Variants in ABTB2 observed in about 807,000 individuals in gnomAD.
ABTB2 encodes ankyrin repeat and BTB/POZ domain-containing protein 2.
In ABTB2, 56 loss-of-function variants were observed where a neutral mutation model predicts 104.1. That is an observed-to-expected ratio of 0.54 (90% CI 0.43 to 0.67). ABTB2 has a LOEUF of 0.67. ABTB2 is among the 30% of genes least tolerant of loss of function. ABTB2 has a pLI of 0.00. For synonymous variants in ABTB2, 606 were observed against 608.2 expected, an observed-to-expected ratio of 1.00 and a Z score of 0.05; for missense variants, 1,279 against 1,407.7, an observed-to-expected ratio of 0.91 and a Z score of 1.46.
At chr11:34,179,799 G>A (rs1029927732) in intron 3 of ABTB2, among the ~76,000 whole-genome samples, 2 of 152,146 alleles carry the variant, frequency 1.3e-5, no homozygotes, top group East Asian at 1.9e-4. Context: ...CCAAGAGCAC[G>A]GACTCCTGAG....
intron 1 of ABTB2, among the ~76,000 whole-genome samples, chr11:34,355,805 G>A (rs958560911): frequency 1.3e-5 from 2 of 152,152 alleles, no homozygotes; most frequent in African/African-American, 4.8e-5. Flanking sequence ...CCCTAACATT[G>A]TCAGGGAAAA....
intron 3 of ABTB2, among the ~76,000 whole-genome samples, chr11:34,193,812 G>A (rs1565137178): frequency 6.6e-6 from 1 of 152,240 alleles, no homozygotes; most frequent in Non-Finnish European, 1.5e-5. Flanking sequence ...CAGGCTCACT[G>A]CAGGAGTAGA....
chr11:34,229,121 GAAAAA>G (rs370579783), intron 1 of ABTB2, among the ~76,000 whole-genome samples: 1 of 103,778 alleles, frequency 9.6e-6, no homozygotes, highest in South Asian at 3.4e-4. Context: ...CTCCGTCTTG[GAAAAA>G]AAAAAAAAAG....
intron 4 of ABTB2, among the ~76,000 whole-genome samples, chr11:34,172,388 A>AT (rs1565131558): frequency 3.8e-5 from 3 of 78,092 alleles, no homozygotes; most frequent in Non-Finnish European, 5.4e-5. Flanking sequence ...AAAAAAAAAA[A>AT]AAAAAAAATA....
intron 13 of ABTB2, 103 bp downstream of exon 13, chr11:34,159,803 G>A (rs1852682270): frequency 4.4e-6 from 4 of 901,178 alleles, no homozygotes; most frequent in South Asian, 1.5e-5. Context: ...AGGGGCAGAG[G>A]CTGCAGGGTA....
chr11:34,335,256 G>C (rs149787252), intron 1 of ABTB2: 2 of 1,298,356 alleles, frequency 1.5e-6, no homozygotes, highest in African/African-American at 2.8e-5. Flanking sequence ...CCTAAATGTC[G>C]GTAGCATTCA....
intron 14 of ABTB2, among the ~76,000 whole-genome samples, chr11:34,158,257 C>CA (rs1344486432): frequency 9.2e-5 from 14 of 152,040 alleles, no homozygotes; most frequent in African/African-American, 3.4e-4. Flanking sequence ...ATTAAAAATA[C>CA]AAAAAATTAG....
chr11:34,321,822 G>C (rs1855007801), intron 1 of ABTB2, among the ~76,000 whole-genome samples: 1 of 152,200 alleles, frequency 6.6e-6, no homozygotes, highest in African/African-American at 2.4e-5. Context: ...GCTCCACCTA[G>C]CATCCTTCCC....
At chr11:34,167,236 G>T (rs1212358046) in intron 7 of ABTB2, 23 bp downstream of exon 7, 3 of 1,587,084 alleles carry the variant, frequency 1.9e-6, no homozygotes, top group Admixed American at 3.5e-5. Flanking sequence ...GGGGGGCATG[G>T]TGTTCACCTG....
At position 34,154,439 on chromosome 11, in the gene ABTB2, C is replaced by T; in HGVS notation, c.2767-61G>A. ...GGCCAGACCAGTGGCCCAGACAGCA[C>T]CGAACAGAAAGCTCCCGAGTGCCGT... On this transcript the variant is annotated intron_variant, in intron 15 of 16. Transcript: ENST00000435224. This position sits in a 1 kb window ranked among gnomAD's most constrained non-coding sequence, Gnocchi z 4.9. The T allele has an allele frequency of 3.1e-6, 4 of 1,274,440 alleles. No homozygotes were observed. The highest frequency in any genetic ancestry group is 4.5e-6 in the Non-Finnish European group (4 of 895,470). The allele number at this position is 1,274,440 out of a possible 1,614,324, so 78.9% of individuals were successfully genotyped here. A position where few individuals can be genotyped will look rare whatever the true frequency, so the allele number is the denominator to read the frequency against.
chr11:34,292,941 T>G (rs1430208762), intron 1 of ABTB2, among the ~76,000 whole-genome samples: 2 of 152,170 alleles, frequency 1.3e-5, no homozygotes, highest in Non-Finnish European at 2.9e-5. Flanking sequence ...TTATTCTAAG[T>G]TTAACAAACC....
chr11:34,265,954 A>C (rs1419466122), intron 1 of ABTB2, among the ~76,000 whole-genome samples: 1 of 152,178 alleles, frequency 6.6e-6, no homozygotes, highest in Non-Finnish European at 1.5e-5. Flanking sequence ...GGGAGAAAAG[A>C]GCAAAACTCC....
intron 1 of ABTB2, among the ~76,000 whole-genome samples, chr11:34,333,229 G>A (rs1855153495): frequency 6.6e-6 from 1 of 152,112 alleles, no homozygotes; most frequent in South Asian, 2.1e-4. Flanking sequence ...ATAGTTATGT[G>A]GGGTAGACAC....
intron 3 of ABTB2, among the ~76,000 whole-genome samples, chr11:34,196,112 G>A (rs547487013): frequency 9.2e-5 from 14 of 152,310 alleles, no homozygotes; most frequent in African/African-American, 3.4e-4. Flanking sequence ...TGAGCCCATG[G>A]ACAGACCTTA....
Position 34,254,295 on chromosome 11 carries a change from T to C in ABTB2, c.884-49605A>G, listed in dbSNP as rs1205550360. On this transcript the variant is annotated intron_variant, in intron 1 of 16. Coordinates refer to ENST00000435224, the MANE Select transcript of ABTB2 (RefSeq NM_145804.3). Reference sequence around the variant, plus strand: ...CAGACTTTCACTTTATCACTCAGGCTGGAGTGCAGTGGCATGATCACAGCT... The same window carrying C: ...CAGACTTTCACTTTATCACTCAGGCCGGAGTGCAGTGGCATGATCACAGCT... Among the ~76,000 whole-genome samples the C allele has an allele frequency of 2.6e-5, 4 of 152,108 alleles. No individual in the cohort carries two copies. In the East Asian group the frequency reaches 7.7e-4, roughly 29 times the overall value.
At chr11:34,236,029 G>T (rs539251745) in intron 1 of ABTB2, among the ~76,000 whole-genome samples, 1 of 152,322 alleles carries the variant, frequency 6.6e-6, no homozygotes, top group African/African-American at 2.4e-5. Flanking sequence ...CTGGGTTCTG[G>T]GGTGGACAGA....
At chr11:34,199,789 A>G (rs1353210728) in intron 2 of ABTB2, among the ~76,000 whole-genome samples, 1 of 152,244 alleles carries the variant, frequency 6.6e-6, no homozygotes, top group Non-Finnish European at 1.5e-5. Context: ...TGAGGGCTCA[A>G]AGAAACAATA....
At chr11:34,254,727 A>T (rs1176203085) in intron 1 of ABTB2, among the ~76,000 whole-genome samples, 3 of 143,988 alleles carry the variant, frequency 2.1e-5, no homozygotes, top group Non-Finnish European at 4.5e-5. Flanking sequence ...GCTGGAGTGC[A>T]GTGGTATGAT....
chr11:34,213,027 AT>A (rs1167809257), intron 1 of ABTB2, among the ~76,000 whole-genome samples: 1 of 152,162 alleles, frequency 6.6e-6, no homozygotes, highest in Non-Finnish European at 1.5e-5. Flanking sequence ...ACCGGGCTGG[AT>A]TCACTTCCTC....
Sources: allele counts gnomAD v4.1 joint callset (sites outside exome capture counted in the v4.1 genomes callset), GRCh38; gene constraint gnomAD v4.1.1; non-coding constraint Gnocchi (gnomAD v3.1); transcripts MANE v1.5; gene names NCBI Gene and HGNC (gene_info 2026-07-23, HGNC 2026-07-21).